The following JAKMIP1 variants were observed in gnomAD, a reference collection of about 807,000 sequenced individuals.
JAKMIP1 encodes janus kinase and microtubule-interacting protein 1.
In JAKMIP1, 33 loss-of-function variants were observed where a neutral mutation model predicts 113.0. The observed-to-expected ratio is 0.29, with a 90% CI of 0.22 to 0.39. The LOEUF is 0.39. Ranked by LOEUF, JAKMIP1 falls within the 10% of genes least tolerant of loss-of-function variation. The pLI is 1.00. For missense variants in JAKMIP1, 813 were observed against 1,080.5 expected, an observed-to-expected ratio of 0.75 and a Z score of 3.47; for synonymous variants, 480 against 459.9, an observed-to-expected ratio of 1.04 and a Z score of -0.56.
intron 20 of JAKMIP1, 21 bp downstream of exon 20, chr4:6,029,695 G>C (rs2108741479): frequency 1.3e-6 from 2 of 1,549,238 alleles, no homozygotes; most frequent in Admixed American, 3.5e-5. Context: ...CCTGGGGACA[G>C]TCTGAGCTGC....
intron 20 of JAKMIP1, among the ~76,000 whole-genome samples, chr4:6,028,969 C>T (rs900926831): frequency 2.1e-4 from 32 of 152,224 alleles, no homozygotes; most frequent in Non-Finnish European, 3.4e-4. Context: ...CCACGTGGTC[C>T]CTGTCCTCAA....
At chr4:6,126,924 T>C (rs765362301) in intron 1 of JAKMIP1, among the ~76,000 whole-genome samples, 1 of 149,532 alleles carries the variant, frequency 6.7e-6, no homozygotes, top group Non-Finnish European at 1.5e-5. Context: ...CACACACAAA[T>C]ATACACATCA....
In JAKMIP1 at chr4:6,153,819, A is replaced by AAGT. The variant is rs1416459804; in HGVS notation, c.-147-40825_-147-40823dup. Among the ~76,000 whole-genome samples the AAGT allele has an allele frequency of 1.3e-5, 2 of 152,210 alleles. No individual in the cohort carries two copies. Among genetic ancestry groups the AAGT allele is most frequent in the African/African-American group, 4.8e-5 (2 of 41,442 alleles). The stretch of plus-strand genomic sequence containing the variant: ...GTTATATTTTCCCTAATGCACACTA[A>AAGT]AGTATTATTAAAATAAATTATGTTT... On this transcript the variant is annotated intron_variant, in intron 1 of 20. Transcript: ENST00000409021. This position sits in a 1 kb window ranked among gnomAD's most constrained non-coding sequence, Gnocchi z 4.9.
chr4:6,056,546 G>A, intron 12 of JAKMIP1, 151 bp downstream of exon 12: 1 of 652,932 alleles, frequency 1.5e-6, no homozygotes. Context: ...ATGTGAGGAA[G>A]ACATCTCTCC....
At chr4:6,054,606 T>C in intron 12 of JAKMIP1, 1 of 383,588 alleles carries the variant, frequency 2.6e-6, no homozygotes, top group Non-Finnish European at 5.2e-6. Context: ...GGGCCCCTCC[T>C]GCTTCCCCAC....
intron 8 of JAKMIP1, among the ~76,000 whole-genome samples, chr4:6,073,439 G>C (rs1319602533): frequency 6.6e-6 from 1 of 152,190 alleles, no homozygotes; most frequent in African/African-American, 2.4e-5. Context: ...AATGTGCTTT[G>C]ATGGTTCCCA....
chr4:6,073,241 G>C (rs543225621), intron 8 of JAKMIP1, among the ~76,000 whole-genome samples: 1 of 152,126 alleles, frequency 6.6e-6, no homozygotes, highest in African/African-American at 2.4e-5. Context: ...CGTGGGGCTA[G>C]GAGTCAAGTT....
At position 6,191,804 on chromosome 4, in the gene JAKMIP1, G is replaced by A. The variant is rs139913132; in HGVS notation, c.-148+8449C>T. Among the ~76,000 whole-genome samples the A allele has an allele frequency of 9.1e-3, 1,380 of 152,154 alleles. 18 individuals are homozygous for A. Among genetic ancestry groups the A allele is most frequent in the African/African-American group, 0.031 (1,288 of 41,488 alleles). On this transcript the variant is annotated intron_variant, in intron 1 of 20. Transcript: ENST00000409021. ...TGAAATTAATAATACATTTCATTTA[G>A]CCCAATATATACAAAATAGCATTAT... is the stretch of plus-strand genomic sequence containing the variant.
In JAKMIP1 at chr4:6,040,615, T is replaced by C; in HGVS notation, c.2175+24A>G. On this transcript the variant is annotated intron_variant, in intron 18 of 20. Coordinates refer to ENST00000409021, the MANE Select transcript of JAKMIP1 (RefSeq NM_001099433.2). This position sits in a 1 kb window ranked among gnomAD's most constrained non-coding sequence, Gnocchi z 5.8. ...TAATGTGGAGTCTAAGAAGCCAAAG[T>C]GTCAAACCCACTTCTGGTCCTACCA... 1 of 1,584,078 alleles carries C rather than the reference T, an allele frequency of 6.3e-7. No homozygotes were observed. Among genetic ancestry groups the C allele is most frequent in the South Asian group, 1.1e-5 (1 of 89,924 alleles).
Position 6,078,960 on chromosome 4 carries a change from C to T in JAKMIP1, c.1281G>A (p.Gly427=). ...TCACCTTGGGCGGTTTCAGACTTTT[C>T]CCTCGATGCCTTTTGGAGCGCAACA... is the stretch of plus-strand genomic sequence containing the variant. ...ERLLRSKRHR[G]KSLKPPKKHV... The change falls in exon 8 of 21, where the codon GGG becomes GGA. Residue 427 remains glycine (G), a synonymous_variant. Coordinates refer to ENST00000409021, the MANE Select transcript of JAKMIP1 (RefSeq NM_001099433.2). 1 of 1,614,166 alleles carries T rather than the reference C, an allele frequency of 6.2e-7. No individual in the cohort carries two copies. Among genetic ancestry groups the T allele is most frequent in the Non-Finnish European group, 8.5e-7 (1 of 1,180,028 alleles).
intron 1 of JAKMIP1, among the ~76,000 whole-genome samples, chr4:6,196,641 G>C (rs987673615): frequency 1.4e-4 from 21 of 152,092 alleles, no homozygotes; most frequent in African/African-American, 4.6e-4. Flanking sequence ...ATCACCTGAG[G>C]TGAGGTCAGG....
chr4:6,114,690 GA>G (rs1715473698), intron 1 of JAKMIP1, among the ~76,000 whole-genome samples: 1 of 152,232 alleles, frequency 6.6e-6, no homozygotes, highest in Non-Finnish European at 1.5e-5. Flanking sequence ...ACCGCTGATC[GA>G]TTCCAGAAAG....
chr4:6,063,905 CA>C (rs1717673006), intron 9 of JAKMIP1, among the ~76,000 whole-genome samples: 1 of 152,226 alleles, frequency 6.6e-6, no homozygotes, highest in African/African-American at 2.4e-5. Context: ...TGCAGCACAG[CA>C]AGGGGAGCTT....
intron 1 of JAKMIP1, among the ~76,000 whole-genome samples, chr4:6,127,763 T>A (rs550779997): frequency 1.3e-5 from 2 of 152,332 alleles, no homozygotes; most frequent in African/African-American, 4.8e-5. Context: ...GTCCTTCCAG[T>A]GACAGGAGGC....
At chr4:6,182,827 C>T (rs998971397) in intron 1 of JAKMIP1, among the ~76,000 whole-genome samples, 1 of 152,228 alleles carries the variant, frequency 6.6e-6, no homozygotes. Context: ...TTTCTAGATA[C>T]AACTGCTCCT....
At chr4:6,056,259 C>T in intron 12 of JAKMIP1, among the ~76,000 whole-genome samples, 1 of 151,226 alleles carries the variant, frequency 6.6e-6, no homozygotes, top group Admixed American at 6.6e-5. Flanking sequence ...GCAGGGTGTC[C>T]CCAGAGGACA....
Position 6,170,895 on chromosome 4 carries a change from C to CCACCAT in JAKMIP1, c.-148+29352_-148+29357dup, listed in dbSNP as rs1437631905. Among the ~76,000 whole-genome samples the CCACCAT allele has an allele frequency of 2.0e-5, 3 of 151,364 alleles. No individual in the cohort carries two copies. In the South Asian group the frequency reaches 6.3e-4, roughly 32 times the overall value. The stretch of plus-strand genomic sequence containing the variant: ...ACAATCACCTCCATCACCTCCACCA[C>CCACCAT]CACCATCACCATCACCGCCACCACC... On this transcript the variant is annotated intron_variant, in intron 1 of 20. Coordinates refer to ENST00000409021, the MANE Select transcript of JAKMIP1 (RefSeq NM_001099433.2).
At position 6,080,397 on chromosome 4, in the gene JAKMIP1, G is replaced by T. The variant is rs1720336165; in HGVS notation, c.1102-85C>A. 1.3e-6 allele frequency: 2 copies of T among 1,486,196 alleles called. No individual in the cohort carries two copies. Among genetic ancestry groups the T allele is most frequent in the Non-Finnish European group, 9.1e-7 (1 of 1,094,118 alleles). 92.1% of individuals were successfully genotyped at this position (1,486,196 alleles called of 1,614,324 possible). A position where few individuals can be genotyped will look rare whatever the true frequency, so the allele number is the denominator to read the frequency against. The stretch of plus-strand genomic sequence containing the variant: ...CAGTGCTGGAGTGGAGCTCAGGGGT[G>T]CAGGGACAGAAGGATGGATGGGAGG... On this transcript the variant is annotated intron_variant, in intron 6 of 20. Coordinates refer to ENST00000409021, the MANE Select transcript of JAKMIP1 (RefSeq NM_001099433.2). This position sits in a 1 kb window ranked among gnomAD's most constrained non-coding sequence, Gnocchi z 6.0.
In JAKMIP1 at chr4:6,106,715, T is replaced by C. The variant is rs1012002512; in HGVS notation, c.130-748A>G. Reference sequence around the variant, plus strand: ...AGCAAACAATTCAAAACATTACTTATAAAACGTCCCAAGGGAGTGTGTTCT... The same window carrying C: ...AGCAAACAATTCAAAACATTACTTACAAAACGTCCCAAGGGAGTGTGTTCT... On this transcript the variant is annotated intron_variant, in intron 2 of 20. Coordinates refer to ENST00000409021, the MANE Select transcript of JAKMIP1 (RefSeq NM_001099433.2). This position sits in a 1 kb window ranked among gnomAD's most constrained non-coding sequence, Gnocchi z 5.9. Among the ~76,000 whole-genome samples, 6 of 152,162 alleles carry C rather than the reference T, an allele frequency of 3.9e-5. No individual in the cohort carries two copies. The highest frequency in any genetic ancestry group is 1.4e-4 in the African/African-American group (6 of 41,438).
Sources: allele counts gnomAD v4.1 joint callset (sites outside exome capture counted in the v4.1 genomes callset), GRCh38; gene constraint gnomAD v4.1.1; non-coding constraint Gnocchi (gnomAD v3.1); transcripts MANE v1.5; gene names NCBI Gene and HGNC (gene_info 2026-07-23, HGNC 2026-07-21).